The following TRPM3 variants were observed in gnomAD, a reference collection of about 807,000 sequenced individuals.
TRPM3 encodes the protein long transient receptor potential channel 3.
Under a neutral mutation model 181.2 loss-of-function variants are expected in TRPM3, and 77 were observed. That is an observed-to-expected ratio of 0.42 (90% confidence interval 0.35 to 0.51). The LOEUF (loss-of-function observed/expected upper bound fraction) is 0.51. TRPM3 is among the 20% of genes least tolerant of loss of function. The pLI, the probability that TRPM3 is intolerant of heterozygous loss-of-function variation, is 0.01. For synonymous variants in TRPM3, 745 were observed against 796.4 expected (o/e 0.94, Z 1.09); for missense variants, 1,759 against 2,196.7 (o/e 0.80, Z 3.98).
chr9:71,170,901 C>T (rs928984855), intron 1 of TRPM3, among the ~76,000 whole-genome samples: 6 of 152,124 alleles, frequency 3.9e-5, no homozygotes, highest in African/African-American at 1.4e-4. Flanking sequence ...CACTGGTGAG[C>T]TGGGCAGAAC....
At chr9:71,062,130 A>G (rs1029749335) in intron 1 of TRPM3, among the ~76,000 whole-genome samples, 3 of 152,078 alleles carry the variant, frequency 2.0e-5, no homozygotes, top group Non-Finnish European at 2.9e-5. Context: ...ATTTAAAGAT[A>G]TATAGCAACT....
At chr9:71,138,062 C>T (rs1458037545) in intron 1 of TRPM3, among the ~76,000 whole-genome samples, 1 of 151,098 alleles carries the variant, frequency 6.6e-6, no homozygotes, top group African/African-American at 2.4e-5. Context: ...TGGAGTGAGC[C>T]GAGATCTTGC....
chr9:71,310,151 T>C (rs2087777278), intron 1 of TRPM3, among the ~76,000 whole-genome samples: 2 of 152,058 alleles, frequency 1.3e-5, no homozygotes, highest in Admixed American at 1.3e-4. Flanking sequence ...ATAAGAATTT[T>C]AAATCAATGA....
At chr9:71,231,689 A>G (rs891939343) in intron 1 of TRPM3, among the ~76,000 whole-genome samples, 1 of 152,212 alleles carries the variant, frequency 6.6e-6, no homozygotes, top group African/African-American at 2.4e-5. Context: ...ACAGAAAACT[A>G]AATACTGCAT....
chr9:71,054,048 T>C (rs1565086368), intron 1 of TRPM3, among the ~76,000 whole-genome samples: 1 of 152,158 alleles, frequency 6.6e-6, no homozygotes, highest in East Asian at 1.9e-4. Context: ...CTTTGCCTTA[T>C]ACTAACTGTG....
At chr9:70,542,281 T>G (rs1411595031) in intron 25 of TRPM3, among the ~76,000 whole-genome samples, 1 of 152,096 alleles carries the variant, frequency 6.6e-6, no homozygotes, top group Non-Finnish European at 1.5e-5. Flanking sequence ...GATAAAAAAT[T>G]TATGGATAAT....
intron 5 of TRPM3, among the ~76,000 whole-genome samples, chr9:70,836,535 A>G (rs563431178): frequency 1.1e-4 from 16 of 152,328 alleles, no homozygotes; most frequent in African/African-American, 3.4e-4. Flanking sequence ...GGGCACTTCC[A>G]GGTCTCTGCC....
intron 1 of TRPM3, among the ~76,000 whole-genome samples, chr9:70,898,762 A>AG (rs1425942386): frequency 3.5e-5 from 5 of 143,120 alleles, no homozygotes; most frequent in South Asian, 2.1e-4. Context: ...AAAAAAAAAA[A>AG]AAAAGAAAAG....
At chr9:70,745,699 A>G (rs1233317695) in intron 8 of TRPM3, among the ~76,000 whole-genome samples, 1 of 152,156 alleles carries the variant, frequency 6.6e-6, no homozygotes, top group Non-Finnish European at 1.5e-5. Context: ...TTATGACTAT[A>G]AGTAGGCCAA....
At chr9:71,034,289 G>T (rs893953876) in intron 1 of TRPM3, among the ~76,000 whole-genome samples, 2 of 152,120 alleles carry the variant, frequency 1.3e-5, no homozygotes, top group African/African-American at 4.8e-5. Context: ...CAGAAGGATT[G>T]GTGGGGAGTT....
At chr9:71,418,891 C>A (rs1433126473) in intron 1 of TRPM3, among the ~76,000 whole-genome samples, 2 of 123,024 alleles carry the variant, frequency 1.6e-5, no homozygotes, top group African/African-American at 5.4e-5. Context: ...TATATACACA[C>A]ATATATATGT....
chr9:71,087,035 G>T (rs1263428499), intron 1 of TRPM3, among the ~76,000 whole-genome samples: 4 of 151,936 alleles, frequency 2.6e-5, no homozygotes, highest in Non-Finnish European at 2.9e-5. Flanking sequence ...TGACTCCAAA[G>T]TCTCTGATTC....
At chr9:70,915,242 T>C (rs1024529832) in intron 1 of TRPM3, among the ~76,000 whole-genome samples, 2 of 152,120 alleles carry the variant, frequency 1.3e-5, no homozygotes, top group African/African-American at 4.8e-5. Context: ...ACAAAGAGAT[T>C]GAAATAATTT....
At chr9:71,380,937 CG>C (rs2092785337) in intron 1 of TRPM3, among the ~76,000 whole-genome samples, 2 of 149,618 alleles carry the variant, frequency 1.3e-5, no homozygotes, top group African/African-American at 5.0e-5. Context: ...ATGAAGACGA[CG>C]ACAAAATGAA....
At position 70,989,033 on chromosome 9, in the gene TRPM3, C is replaced by T. The variant is rs527886702; in HGVS notation, c.178-124522G>A. On this transcript the variant is annotated intron_variant, in intron 1 of 25. Transcript: ENST00000677713. ...AACTCTGTGATACCCTGAGCAGAACCCAATCATGCTGTGCCAGACTTCCAA... is the reference window on the plus strand; with the variant it reads ...AACTCTGTGATACCCTGAGCAGAACTCAATCATGCTGTGCCAGACTTCCAA... Among the ~76,000 whole-genome samples, 10 of 152,290 alleles carry T rather than the reference C, an allele frequency of 6.6e-5. No homozygotes were observed. In the East Asian group the frequency reaches 1.9e-3, roughly 29 times the overall value.
intron 1 of TRPM3, among the ~76,000 whole-genome samples, chr9:71,410,832 T>C (rs1370461956): frequency 6.6e-6 from 1 of 152,186 alleles, no homozygotes; most frequent in Non-Finnish European, 1.5e-5. Context: ...ATACTCCTGA[T>C]GAACATTGAC....
At chr9:70,649,529 T>A (rs1415272902) in intron 9 of TRPM3, among the ~76,000 whole-genome samples, 1 of 152,080 alleles carries the variant, frequency 6.6e-6, no homozygotes, top group African/African-American at 2.4e-5. Flanking sequence ...ATGTGGCCAA[T>A]AATCATGGGG....
At chr9:71,183,972 C>A (rs1254294254) in intron 1 of TRPM3, among the ~76,000 whole-genome samples, 1 of 152,052 alleles carries the variant, frequency 6.6e-6, no homozygotes, top group Non-Finnish European at 1.5e-5. Flanking sequence ...TTCAGGCCCC[C>A]ACTGAATGAA....
intron 1 of TRPM3, among the ~76,000 whole-genome samples, chr9:71,186,188 C>T (rs1455377050): frequency 4.6e-5 from 7 of 151,944 alleles, no homozygotes; most frequent in Non-Finnish European, 1.0e-4. Flanking sequence ...CATCCTGCTC[C>T]AGTATGGCCT....
Sources: gnomAD v4.1 joint callset for allele counts (sites outside exome capture counted in the v4.1 genomes callset) on GRCh38, gnomAD v4.1.1 for gene constraint, MANE v1.5 for transcripts, NCBI Gene and HGNC (gene_info 2026-07-23, HGNC 2026-07-21) for gene names.